The following PLEK2 variants were observed in gnomAD, a reference collection of about 807,000 sequenced individuals.
PLEK2 encodes pleckstrin-2.
In PLEK2, 29 loss-of-function variants were observed where a neutral mutation model predicts 43.8. The ratio of observed to expected loss-of-function variants is 0.66; its 90% CI spans 0.49 to 0.90. PLEK2 has a LOEUF of 0.90. Ranked by LOEUF, PLEK2 falls within the 40% of genes least tolerant of loss-of-function variation. The probability of loss-of-function intolerance (pLI) is 0.00; values close to 1 mark genes in which losing one functional copy is unlikely to be tolerated. For synonymous variants in PLEK2, 162 were observed against 173.2 expected (o/e 0.94, Z 0.51); for missense variants, 398 against 448.1 (o/e 0.89, Z 1.01).
intron 1 of PLEK2, among the ~76,000 whole-genome samples, chr14:67,411,079 C>T (rs959476479): frequency 5.8e-5 from 8 of 139,010 alleles, no homozygotes; most frequent in African/African-American, 1.9e-4. Context: ...CCTGGGAAGT[C>T]GAGGCTGTGG....
At chr14:67,406,055 T>C (rs749269493) in intron 1 of PLEK2, among the ~76,000 whole-genome samples, 22 of 152,070 alleles carry the variant, frequency 1.4e-4, no homozygotes, top group Non-Finnish European at 2.9e-4. Flanking sequence ...AGTCAAGAGT[T>C]TGAGACCAGC....
intron 1 of PLEK2, among the ~76,000 whole-genome samples, chr14:67,403,271 T>G (rs2086060230): frequency 1.3e-5 from 2 of 152,220 alleles, no homozygotes; most frequent in African/African-American, 4.8e-5. Flanking sequence ...TTGATGCATG[T>G]TTGGTGGTAG....
chr14:67,390,397 A>G (rs979393720), intron 7 of PLEK2, among the ~76,000 whole-genome samples: 2 of 152,190 alleles, frequency 1.3e-5, no homozygotes, highest in Non-Finnish European at 2.9e-5. Context: ...GAAGACCAAA[A>G]GATGCTTTTC....
Position 67,398,500 on chromosome 14 carries a change from A to G in PLEK2, c.43-674T>C, listed in dbSNP as rs546156890. On this transcript the variant is annotated intron_variant, in intron 1 of 8. Transcript: ENST00000216446. ...CTTCTCTTTATTCCTGCCACCTGAGAACCACCTAAATGACCCTTCATTATT... is the reference window on the plus strand; with the variant it reads ...CTTCTCTTTATTCCTGCCACCTGAGGACCACCTAAATGACCCTTCATTATT... Among the ~76,000 whole-genome samples the G allele has an allele frequency of 7.9e-5, 12 of 152,064 alleles. No homozygotes were observed. The South Asian group carries it at 2.3e-3, about 29-fold the overall frequency.
At position 67,397,778 on chromosome 14, in the gene PLEK2, T is replaced by C. The variant is rs1270713785; in HGVS notation, c.91A>G (p.Asn31Asp). The change falls in exon 2 of 9, where the codon AAC becomes GAC. Residue 31 changes from asparagine (N) to aspartate (D), a missense_variant. Physicochemically the swap from Asn to Asp is conservative, Grantham distance 23. Transcript: ENST00000216446. ...TCAAGCTTGTAGTACACCAGCGTGTTCTGCCGAAGGATGAACCATCGCGCC... is the reference window on the plus strand; with the variant it reads ...TCAAGCTTGTAGTACACCAGCGTGTCCTGCCGAAGGATGAACCATCGCGCC... Reference protein sequence around the residue: ...WKARWFILRQNTLVYYKLEGG... With the variant: ...WKARWFILRQDTLVYYKLEGG... 1 of 1,613,440 alleles carries C rather than the reference T, an allele frequency of 6.2e-7. No individual in the cohort carries two copies. Among genetic ancestry groups the C allele is most frequent in the South Asian group, 1.1e-5 (1 of 90,810 alleles).
In PLEK2 at chr14:67,390,736, C is replaced by T; in HGVS notation, c.782G>A (p.Arg261Lys). ...AAAGCGACGCACCTTCCAGTTTTTC[C>T]TCTTGTGTCCCTGAGGCAAAGAAAT... ...QGYLAKQGHK[R>K]KNWKVRRFVL... Residue 261 changes from arginine to lysine, a missense_variant, in exon 7 of 9, where the codon AGG (arginine) becomes AAG (lysine). Arg to Lys is a conservative substitution (Grantham distance 26). Transcript: ENST00000216446. The T allele has an allele frequency of 6.2e-7, 1 of 1,612,200 alleles. No individual in the cohort carries two copies. Among genetic ancestry groups the T allele is most frequent in the South Asian group, 1.1e-5 (1 of 91,050 alleles).
intron 4 of PLEK2, 146 bp downstream of exon 4, chr14:67,393,004 G>A: frequency 1.2e-6 from 1 of 866,724 alleles, no homozygotes; most frequent in Non-Finnish European, 1.9e-6. Context: ...AGCCGTGGCT[G>A]CACACCCACA....
At position 67,388,299 on chromosome 14, in the gene PLEK2, C is replaced by T. The variant is rs764777749; in HGVS notation, c.859G>A (p.Glu287Lys). Residue 287 changes from glutamate (E) to lysine (K), a missense_variant, in exon 8 of 9, where the codon GAG (glutamate) becomes AAG (lysine). By Grantham distance (56) the Glu-to-Lys change is moderately conservative. Coordinates refer to ENST00000216446, the MANE Select transcript of PLEK2 (RefSeq NM_016445.3). ...GAAAACCCACCCACTGGCCTGTTCT[C>T]TTCCTGTAGAGGAAAGGAGACCCAA... ...FLHYYDPSKE[E>K]NRPVGGFSLR... 6.2e-7 allele frequency: 1 copy of T among 1,609,070 alleles called. No homozygotes were observed. Among genetic ancestry groups the T allele is most frequent in the East Asian group, 2.2e-5 (1 of 44,868 alleles).
At chr14:67,398,291 C>T (rs1358435329) in intron 1 of PLEK2, among the ~76,000 whole-genome samples, 1 of 152,134 alleles carries the variant, frequency 6.6e-6, no homozygotes, top group South Asian at 2.1e-4. Context: ...GTGGCATGAC[C>T]TCAGCTCACT....
rs765940008 is a variant in PLEK2, at chr14:67,390,683, G to A, written c.835C>T (p.His279Tyr). The A allele has an allele frequency of 9.3e-6, 15 of 1,612,460 alleles. No homozygotes were observed. In the African/African-American group the frequency reaches 9.4e-5, roughly 10 times the overall value. ...FVLRKDPAFL[H>Y]YYDPSKEENR... The stretch of plus-strand genomic sequence containing the variant: ...CTCACTTTGGAAGGGTCATAGTAAT[G>A]CAGGAAAGCTGGATCCTTCCTTAGA... Residue 279 changes from histidine (H) to tyrosine (Y), a missense_variant, in exon 7 of 9, where the codon CAT becomes TAT. By Grantham distance (83) the His-to-Tyr change is moderately conservative. Transcript: ENST00000216446.
At chr14:67,411,901 G>T in intron 1 of PLEK2, 117 bp downstream of exon 1, 1 of 932,480 alleles carries the variant, frequency 1.1e-6, no homozygotes, top group Non-Finnish European at 1.6e-6. Flanking sequence ...CCACCATGGG[G>T]GTTGGGGATG....
chr14:67,398,743 A>G (rs866804366), intron 1 of PLEK2, among the ~76,000 whole-genome samples: 3 of 152,032 alleles, frequency 2.0e-5, no homozygotes, highest in African/African-American at 7.2e-5. Flanking sequence ...TTTTTTGTAA[A>G]GACGAGGTCT....
chr14:67,389,771 T>G (rs572897835), intron 7 of PLEK2, among the ~76,000 whole-genome samples: 1 of 147,338 alleles, frequency 6.8e-6, no homozygotes, highest in Non-Finnish European at 1.5e-5. Flanking sequence ...AAAGTGTTTT[T>G]TTTCTTTTTT....
At chr14:67,392,293 T>G (rs767000603) in intron 6 of PLEK2, 33 bp downstream of exon 6, 1 of 1,341,072 alleles carries the variant, frequency 7.5e-7, no homozygotes, top group South Asian at 1.2e-5. Flanking sequence ...TTGAGAACTG[T>G]CCATCTCTCT....
rs2085959587 is a variant in PLEK2 at position 67,390,672 on chromosome 14, G to A, written c.846C>T (p.Asp282=). 1.2e-6 allele frequency: 2 copies of A among 1,610,526 alleles called. No individual in the cohort carries two copies. The highest frequency in any genetic ancestry group is 8.5e-7 in the Non-Finnish European group (1 of 1,176,730). The stretch of plus-strand genomic sequence containing the variant: ...CAGCATGCGCACTCACTTTGGAAGG[G>A]TCATAGTAATGCAGGAAAGCTGGAT... ...RKDPAFLHYY[D]PSKEENRPVG... Residue 282 remains aspartate, a synonymous_variant, in exon 7 of 9, where the codon GAC becomes GAT. Coordinates refer to ENST00000216446, the MANE Select transcript of PLEK2 (RefSeq NM_016445.3).
intron 1 of PLEK2, 126 bp from the exon 2 acceptor site, chr14:67,397,952 C>A (rs1595658044): frequency 1.4e-6 from 1 of 708,614 alleles, no homozygotes; most frequent in East Asian, 2.9e-5. Flanking sequence ...AGGAAGACAG[C>A]AGGATTTGTG....
At chr14:67,411,552 T>C (rs1860609178) in intron 1 of PLEK2, among the ~76,000 whole-genome samples, 1 of 151,940 alleles carries the variant, frequency 6.6e-6, no homozygotes, top group East Asian at 1.9e-4. Flanking sequence ...GGCTTCGTTT[T>C]CCCCCTTGAT....
intron 1 of PLEK2, among the ~76,000 whole-genome samples, chr14:67,399,279 T>C (rs1343295555): frequency 7.3e-6 from 1 of 137,152 alleles, no homozygotes; most frequent in African/African-American, 2.9e-5. Flanking sequence ...GTTTAGGTGG[T>C]TCTCAGGTGG....
chr14:67,396,954 T>TC (rs1434695554), intron 2 of PLEK2, among the ~76,000 whole-genome samples: 1 of 152,090 alleles, frequency 6.6e-6, no homozygotes, highest in Non-Finnish European at 1.5e-5. Context: ...CTTTTTTTTT[T>TC]TTTTTGAGGA....
Sources: allele counts gnomAD v4.1 joint callset (sites outside exome capture counted in the v4.1 genomes callset), GRCh38; gene constraint gnomAD v4.1.1; transcripts MANE v1.5; gene names NCBI Gene and HGNC (gene_info 2026-07-23, HGNC 2026-07-21).